PCNX2: variants seen among roughly 807,000 people sequenced by gnomAD.
PCNX2 encodes the protein pecanex-like protein 2.
In PCNX2, 168 loss-of-function variants were observed where a neutral mutation model predicts 223.8. The observed-to-expected ratio is 0.75, with a 90% CI of 0.66 to 0.85. PCNX2 has a LOEUF of 0.85. Ranked by LOEUF, PCNX2 falls within the 40% of genes least tolerant of loss-of-function variation. The pLI is 0.00. For missense variants in PCNX2, 2,507 were observed against 2,675.5 expected (o/e 0.94, Z 1.39); for synonymous variants, 1,006 against 1,052.6 (o/e 0.96, Z 0.86).
At chr1:233,136,437 T>A (rs1383026426) in intron 20 of PCNX2, among the ~76,000 whole-genome samples, 1 of 152,204 alleles carries the variant, frequency 6.6e-6, no homozygotes, top group Non-Finnish European at 1.5e-5. Context: ...TCCGTATGCC[T>A]CAATCTGCTG....
At chr1:233,054,585 C>T (rs143331725) in intron 24 of PCNX2, 102 bp from the exon 25 acceptor site, 1 of 886,992 alleles carries the variant, frequency 1.1e-6, no homozygotes, top group African/African-American at 1.7e-5. Context: ...TAAAATCAGA[C>T]TCTTTATATA....
At chr1:233,160,224 G>T in intron 19 of PCNX2, 59 bp downstream of exon 19, 1 of 1,543,672 alleles carries the variant, frequency 6.5e-7, no homozygotes, top group Non-Finnish European at 8.9e-7. Context: ...ATGCTCTCCG[G>T]TTTAATGTAT....
chr1:233,198,893 A>G, intron 15 of PCNX2, 46 bp downstream of exon 15: 1 of 1,473,242 alleles, frequency 6.8e-7, no homozygotes, highest in Non-Finnish European at 9.3e-7. Flanking sequence ...AAATAAGTTA[A>G]TTTAATGAAT....
intron 9 of PCNX2, among the ~76,000 whole-genome samples, chr1:233,235,957 A>AAAAAAATATAT (rs369886650): frequency 4.3e-4 from 40 of 93,110 alleles, no homozygotes; most frequent in Non-Finnish European, 8.1e-4. Flanking sequence ...CATAAAAAAA[A>AAAAAAATATAT]ATATATATAT....
In PCNX2 at chr1:233,258,011, A is replaced by C. The variant is rs1160426699; in HGVS notation, c.1834+17T>G. The C allele has an allele frequency of 6.2e-7, 1 of 1,604,364 alleles. No individual in the cohort carries two copies. Among genetic ancestry groups the C allele is most frequent in the South Asian group, 1.1e-5 (1 of 90,544 alleles). ...CTTCTATGTCATCATCAGAACGGAA[A>C]TGACATGGAATCGCACCTCGGAGAA... On this transcript the variant is annotated intron_variant, in intron 5 of 33. Coordinates refer to ENST00000258229, the MANE Select transcript of PCNX2 (RefSeq NM_014801.4).
At chr1:233,322,065 T>C in the PCNX2 span, among the ~76,000 whole-genome samples, 1 of 152,222 alleles carries the variant, frequency 6.6e-6, no homozygotes, top group African/African-American at 2.4e-5. Flanking sequence ...AAGGGTTGAT[T>C]CTTCTTTCAA....
At chr1:233,006,878 T>C (rs1670303593) in intron 28 of PCNX2, among the ~76,000 whole-genome samples, 2 of 152,202 alleles carry the variant, frequency 1.3e-5, no homozygotes, top group Admixed American at 6.5e-5. Context: ...GTAACAGAAA[T>C]ACTCAGAGTG....
At chr1:233,261,549 T>C (rs1248336776) in intron 3 of PCNX2, among the ~76,000 whole-genome samples, 2 of 151,626 alleles carry the variant, frequency 1.3e-5, no homozygotes, top group African/African-American at 4.9e-5. Context: ...CAAAGGGAGA[T>C]TTGCTACTAA....
chr1:233,040,611 T>C (rs901840606), intron 25 of PCNX2, among the ~76,000 whole-genome samples: 6 of 152,172 alleles, frequency 3.9e-5, no homozygotes, highest in Admixed American at 1.3e-4. Context: ...CTCCATCTCA[T>C]TGCCATCTCC....
intron 1 of PCNX2, chr1:233,290,682 T>C (rs1258406565): frequency 9.7e-6 from 9 of 928,258 alleles, no homozygotes; most frequent in African/African-American, 1.8e-5. Context: ...ATGCTAGTGC[T>C]TGACAGATAA....
intron 17 of PCNX2, among the ~76,000 whole-genome samples, chr1:233,169,644 C>CAAAAAAAAAAAAAAA (rs200439765): frequency 1.3e-4 from 9 of 68,868 alleles, no homozygotes; most frequent in Admixed American, 4.9e-4. Flanking sequence ...AACTCCGTCT[C>CAAAAAAAAAAAAAAA]AAAAAAAAAA....
At chr1:233,317,262 A>C in the PCNX2 span, among the ~76,000 whole-genome samples, 1 of 152,116 alleles carries the variant, frequency 6.6e-6, no homozygotes, top group Non-Finnish European at 1.5e-5. Flanking sequence ...AAAAATACAA[A>C]AATTAGCTGG....
chr1:233,278,870 A>G (rs936642303), intron 1 of PCNX2, among the ~76,000 whole-genome samples: 2 of 151,728 alleles, frequency 1.3e-5, no homozygotes, highest in Non-Finnish European at 2.9e-5. Flanking sequence ...GATGCACCCC[A>G]CTCCTAAATG....
rs1015314176 is a variant in PCNX2, at chr1:233,281,334, T to C, written c.153+13992A>G. Among the ~76,000 whole-genome samples, 5 of 152,186 alleles carry C rather than the reference T, an allele frequency of 3.3e-5. No homozygotes were observed. In the East Asian group the frequency reaches 9.6e-4, roughly 29 times the overall value. On this transcript the variant is annotated intron_variant, in intron 1 of 33. Coordinates refer to ENST00000258229, the MANE Select transcript of PCNX2 (RefSeq NM_014801.4). ...TAGGGAACTATATCCCAATGGGCTA[T>C]TAGTTATCTGGCATTTCTTCTGAGA...
At chr1:233,223,929 A>T (rs1657543982) in intron 10 of PCNX2, among the ~76,000 whole-genome samples, 1 of 152,146 alleles carries the variant, frequency 6.6e-6, no homozygotes, top group African/African-American at 2.4e-5. Flanking sequence ...GCCTTTGCCA[A>T]CCACCAGTTC....
At chr1:233,259,471 T>C in intron 4 of PCNX2, 127 bp from the exon 5 acceptor site, 1 of 1,314,026 alleles carries the variant, frequency 7.6e-7, no homozygotes, top group Non-Finnish European at 1.0e-6. Flanking sequence ...ACTTTTTTAA[T>C]TTTACTTTAA....
At chr1:233,057,040 G>A (rs180756299) in intron 24 of PCNX2, among the ~76,000 whole-genome samples, 192 bp downstream of exon 24, 12 of 152,088 alleles carry the variant, frequency 7.9e-5, no homozygotes, top group Admixed American at 2.0e-4. Flanking sequence ...TCTAAATAGC[G>A]GAGCAATGCA....
At chr1:233,223,809 T>A (rs1657536905) in intron 10 of PCNX2, among the ~76,000 whole-genome samples, 1 of 152,240 alleles carries the variant, frequency 6.6e-6, no homozygotes, top group Admixed American at 6.5e-5. Context: ...TCATGGTAAC[T>A]GATGACAATT....
intron 22 of PCNX2, among the ~76,000 whole-genome samples, chr1:233,094,980 TA>T (rs777621132): frequency 2.6e-5 from 4 of 152,314 alleles, no homozygotes; most frequent in South Asian, 4.1e-4. Flanking sequence ...CACACAGGTT[TA>T]AAAACTCTAA....
Sources: allele counts gnomAD v4.1 joint callset (sites outside exome capture counted in the v4.1 genomes callset), GRCh38; gene constraint gnomAD v4.1.1; transcripts MANE v1.5; gene names NCBI Gene and HGNC (gene_info 2026-07-23, HGNC 2026-07-21).